TMEM200C: variants seen among roughly 807,000 people sequenced by gnomAD.
The protein encoded by TMEM200C is transmembrane protein TTMA.
For missense variants in TMEM200C, 966 were observed against 699.9 expected, an observed-to-expected ratio of 1.38 and a Z score of -4.29; for synonymous variants, 462 against 324.7, an observed-to-expected ratio of 1.42 and a Z score of -4.55.
exon 3 of TMEM200C, chr18:5,883,268 A>G (rs1395094431): frequency 1.3e-5 from 2 of 151,264 alleles, no homozygotes; most frequent in Non-Finnish European, 2.9e-5. Flanking sequence ...AGGAATTCAA[A>G]CTAACAAAAT....
exon 3 of TMEM200C, chr18:5,890,461 T>C: frequency 1.3e-6 from 2 of 1,572,016 alleles, no homozygotes. Flanking sequence ...GTGTAGCCCT[T>C]ATTGCTGCTG....
Position 5,891,251 on chromosome 18 carries a change from G to A in TMEM200C, c.813C>T (p.Asp271=). The stretch of plus-strand genomic sequence containing the variant: ...CCAGCATCGCCGCCGCTCCGAAGGC[G>A]TCCCCGGAGCCACCGCAGCCCCCGG... Residue 271 remains aspartate, a synonymous_variant, in exon 3 of 3, where the codon GAC becomes GAT. Transcript: ENST00000581347. The surrounding 1 kb of genome is among the most constrained non-coding windows in gnomAD (Gnocchi z 4.7). 1.4e-6 allele frequency: 2 copies of A among 1,381,312 alleles called. No homozygotes were observed. Among genetic ancestry groups the A allele is most frequent in the South Asian group, 1.6e-5 (1 of 63,886 alleles). 85.6% of individuals were successfully genotyped at this position (1,381,312 alleles called of 1,614,324 possible). A position where few individuals can be genotyped will look rare whatever the true frequency, so the allele number is the denominator to read the frequency against.
At chr18:5,887,447 C>G (rs766816283) in exon 3 of TMEM200C, 7 of 152,114 alleles carry the variant, frequency 4.6e-5, no homozygotes, top group Non-Finnish European at 1.0e-4. Context: ...AGGGATCTGG[C>G]AGGAAATAAA....
At chr18:5,886,017 A>G (rs986762459) in exon 3 of TMEM200C, 4 of 149,734 alleles carry the variant, frequency 2.7e-5, no homozygotes, top group African/African-American at 9.7e-5. Flanking sequence ...TTAATACAAG[A>G]AGATCTTATT....
exon 3 of TMEM200C, chr18:5,890,255 C>A (rs1464063569): frequency 1.3e-6 from 2 of 1,588,088 alleles, no homozygotes; most frequent in Non-Finnish European, 1.7e-6. Context: ...ACCTGGAAAT[C>A]ATGATGAGTT....
rs972554038 is a variant in TMEM200C at position 5,883,630 on chromosome 18, G to T, written c.*6568C>A. On this transcript the variant is annotated 3_prime_UTR_variant, in exon 3 of 3. Transcript: ENST00000581347. ...CAAAGATAAATTATTTATGTTTCCT[G>T]ATATAAATGCTGCTGCAAAATTGAT... 4.6e-5 allele frequency: 7 copies of T among 152,122 alleles called. No individual in the cohort carries two copies. In the East Asian group the frequency reaches 1.3e-3, roughly 29 times the overall value. The allele number at this position is 152,122 out of a possible 1,614,324, so 9.4% of individuals were successfully genotyped here. A position where few individuals can be genotyped will look rare whatever the true frequency, so the allele number is the denominator to read the frequency against.
exon 3 of TMEM200C, chr18:5,882,760 C>A (rs2095162692): frequency 6.6e-6 from 1 of 151,946 alleles, no homozygotes; most frequent in African/African-American, 2.4e-5. Flanking sequence ...GTAGTAATCC[C>A]AAGCAAGATT....
Position 5,891,653 on chromosome 18 carries a change from T to C in TMEM200C, c.411A>G (p.Ala137=), listed in dbSNP as rs374733073. 41 of 1,613,738 alleles carry C rather than the reference T, an allele frequency of 2.5e-5. No homozygotes were observed. The highest frequency in any genetic ancestry group is 4.5e-5 in the East Asian group (2 of 44,812). The change falls in exon 3 of 3, where the codon GCA becomes GCG. Residue 137 remains alanine, a synonymous_variant. Transcript: ENST00000581347. The surrounding 1 kb of genome is among the most constrained non-coding windows in gnomAD (Gnocchi z 4.7). Reference sequence around the variant, plus strand: ...AGGAGGAGGACGGGGAGGCGGCTCGTGCTGGAGGCGTGCTCCTGGGCGCGC... The same window carrying C: ...AGGAGGAGGACGGGGAGGCGGCTCGCGCTGGAGGCGTGCTCCTGGGCGCGC...
chr18:5,893,440 T>C (rs1260756830), intron 2 of TMEM200C, among the ~76,000 whole-genome samples: 2 of 152,242 alleles, frequency 1.3e-5, no homozygotes, highest in Non-Finnish European at 2.9e-5. Context: ...TTTGTAGTTA[T>C]TCGGCAGCCT....
exon 3 of TMEM200C, chr18:5,885,838 T>C (rs1209453107): frequency 1.3e-5 from 2 of 152,130 alleles, no homozygotes. Flanking sequence ...TTTTTCAGAG[T>C]TAGTCATTCA....
chr18:5,894,771 T>C (rs1003139920), intron 2 of TMEM200C, among the ~76,000 whole-genome samples: 1 of 152,152 alleles, frequency 6.6e-6, no homozygotes, highest in Non-Finnish European at 1.5e-5. Flanking sequence ...TGATGTTAGC[T>C]GGAGTCACAT....
exon 3 of TMEM200C, chr18:5,885,089 A>G (rs2095164397): frequency 6.6e-6 from 1 of 152,206 alleles, no homozygotes; most frequent in African/African-American, 2.4e-5. Context: ...AATTTTTAAG[A>G]CACTTTACAT....
chr18:5,884,053 T>C (rs535459241), exon 3 of TMEM200C: 2 of 152,252 alleles, frequency 1.3e-5, no homozygotes, highest in African/African-American at 4.8e-5. Context: ...AAATATAGAA[T>C]GTAGGTATAT....
At chr18:5,893,398 A>ATG (rs1555612086) in intron 2 of TMEM200C, among the ~76,000 whole-genome samples, 1 of 89,004 alleles carries the variant, frequency 1.1e-5, no homozygotes, top group African/African-American at 6.8e-5. Context: ...GTTGTTTGTA[A>ATG]AAGCCTGGGT....
Position 5,891,420 on chromosome 18 carries a change from G to C in TMEM200C, c.644C>G (p.Ala215Gly). 6.5e-7 allele frequency: 1 copy of C among 1,538,370 alleles called. No homozygotes were observed. Among genetic ancestry groups the C allele is most frequent in the Non-Finnish European group, 8.8e-7 (1 of 1,141,420 alleles). ...GGCCGCGGCGGCCGCCAGGTCTTTG[G>C]CGCGGAGGCTGTGCACGTCGATGAC... is the stretch of plus-strand genomic sequence containing the variant. The change falls in exon 3 of 3, where the codon GCC (alanine) becomes GGC (glycine). Residue 215 changes from alanine to glycine, a missense_variant. By Grantham distance (60) the Ala-to-Gly change is moderately conservative (BLOSUM62 0). Transcript: ENST00000581347. This position sits in a 1 kb window ranked among gnomAD's most constrained non-coding sequence, Gnocchi z 4.7.
rs2095170757 is a variant in TMEM200C, at chr18:5,891,350, G to A, written c.714C>T (p.Ala238=). 16 of 1,328,120 alleles carry A rather than the reference G, an allele frequency of 1.2e-5. No homozygotes were observed. The highest frequency in any genetic ancestry group is 4.0e-5 in the Admixed American group (1 of 24,946). The allele number at this position is 1,328,120 out of a possible 1,614,324, so 82.3% of individuals were successfully genotyped here. A position where few individuals can be genotyped will look rare whatever the true frequency, so the allele number is the denominator to read the frequency against. Reference sequence around the variant, plus strand: ...GCGGTATGGCCCCGGGGGGCGCCGCGGCGGGGGCAGACGACGACGAAGAGG... The same window carrying A: ...GCGGTATGGCCCCGGGGGGCGCCGCAGCGGGGGCAGACGACGACGAAGAGG... Residue 238 remains alanine, a synonymous_variant, in exon 3 of 3, where the codon GCC becomes GCT. Coordinates refer to ENST00000581347, the Ensembl canonical transcript of TMEM200C. This position sits in a 1 kb window ranked among gnomAD's most constrained non-coding sequence, Gnocchi z 4.7.
exon 3 of TMEM200C, chr18:5,890,925 G>A (rs2095170042): frequency 5.9e-6 from 4 of 677,640 alleles, no homozygotes; most frequent in East Asian, 2.9e-5. Context: ...GGGCAGCAGC[G>A]CGAAGGCGCT....
chr18:5,884,178 G>C (rs1197778964), exon 3 of TMEM200C: 1 of 152,024 alleles, frequency 6.6e-6, no homozygotes, highest in African/African-American at 2.4e-5. Context: ...TATATAGTTT[G>C]TTTTGTTTTT....
chr18:5,882,400 A>C (rs2095162448), exon 3 of TMEM200C: 1 of 152,168 alleles, frequency 6.6e-6, no homozygotes, highest in African/African-American at 2.4e-5. Flanking sequence ...GCATTATTAA[A>C]TGTCCTTTCC....
Sources: gnomAD v4.1 joint callset for allele counts (sites outside exome capture counted in the v4.1 genomes callset) on GRCh38, gnomAD v4.1.1 for gene constraint, Gnocchi (gnomAD v3.1) non-coding constraint, MANE v1.5 for transcripts, NCBI Gene and HGNC (gene_info 2026-07-23, HGNC 2026-07-21) for gene names.